SGSH: variants seen among roughly 807,000 people sequenced by gnomAD.
SGSH encodes N-sulfoglucosamine sulfohydrolase.
SGSH carries 48 observed loss-of-function variants against 51.0 expected under a neutral mutation model. The ratio of observed to expected loss-of-function variants is 0.94; its 90% CI spans 0.75 to 1.20. SGSH has a LOEUF of 1.20. Among genes scored for constraint, SGSH ranks in the 50% most tolerant of loss-of-function variants. The pLI, the probability that SGSH is intolerant of heterozygous loss-of-function variation, is 0.00. For missense variants in SGSH, 662 were observed against 717.8 expected (o/e 0.92, Z 0.89); for synonymous variants, 321 against 313.4 (o/e 1.02, Z -0.26).
chr17:80,204,102 T>C, downstream of SGSH: 1 of 971,958 alleles, frequency 1.0e-6, no homozygotes, highest in South Asian at 1.7e-5. Context: ...CTCAGGCTGT[T>C]CTCAGAGCAT....
Position 80,209,423 on chromosome 17 carries a change from C to A in SGSH, c.*1029G>T. On this transcript the variant is annotated 3_prime_UTR_variant, in exon 8 of 8. Coordinates refer to ENST00000326317, the MANE Select transcript of SGSH (RefSeq NM_000199.5). ...CCACCTACTCAAGGAAGCGCCCTCT[C>A]CTTCGAGGGGTGTCCAGGCCGAGGG... 1 of 985,570 alleles carries A rather than the reference C, an allele frequency of 1.0e-6. No homozygotes were observed. Among genetic ancestry groups the A allele is most frequent in the Non-Finnish European group, 1.2e-6 (1 of 830,058 alleles). The allele number at this position is 985,570 out of a possible 1,614,324, so 61.1% of individuals were successfully genotyped here. A position where few individuals can be genotyped will look rare whatever the true frequency, so the allele number is the denominator to read the frequency against.
chr17:80,202,641 T>C (rs1010526427), downstream of SGSH: 60 of 1,390,112 alleles, frequency 4.3e-5, no homozygotes, highest in Non-Finnish European at 5.6e-5. Context: ...ACATTCTAGA[T>C]CTGGGTTTCT....
chr17:80,219,388 C>G (rs1405256294), intron 1 of SGSH, among the ~76,000 whole-genome samples: 1 of 152,164 alleles, frequency 6.6e-6, no homozygotes, highest in Non-Finnish European at 1.5e-5. Flanking sequence ...CATGGCAGTC[C>G]GTGCTAAGAA....
chr17:80,204,043 T>C, downstream of SGSH: 1 of 788,730 alleles, frequency 1.3e-6, no homozygotes, highest in Non-Finnish European at 2.0e-6. Flanking sequence ...CAGGGCAGGG[T>C]CTGCAGCCCC....
At chr17:80,215,211 G>T in intron 2 of SGSH, 73 bp from the exon 3 acceptor site, 1 of 1,060,694 alleles carries the variant, frequency 9.4e-7, no homozygotes, top group Non-Finnish European at 1.4e-6. Context: ...GTTCTCCCAC[G>T]GCCCTCCCAT....
At position 80,215,127 on chromosome 17, in the gene SGSH, C is replaced by T; in HGVS notation, c.261G>A (p.Gly87=). 1.2e-6 allele frequency: 2 copies of T among 1,611,200 alleles called. No individual in the cohort carries two copies. The highest frequency in any genetic ancestry group is 1.7e-6 in the Non-Finnish European group (2 of 1,179,752). ...GCACGTCCTGGTGCAGCCCGTACAT[C>T]CCATTCTGATGCTGCCAGCAAAGGC... ...LLTGLPQHQN[G]MYGLHQDVHH... is the part of the protein sequence containing the mutation. The change falls in exon 3 of 8, where the codon GGG becomes GGA. Residue 87 remains glycine (G), a synonymous_variant. Coordinates refer to ENST00000326317, the MANE Select transcript of SGSH (RefSeq NM_000199.5).
In SGSH at chr17:80,209,798, C is replaced by G; in HGVS notation, c.*654G>C. 1.0e-6 allele frequency: 1 copy of G among 987,182 alleles called. No homozygotes were observed. 61.2% of individuals were successfully genotyped at this position (987,182 alleles called of 1,614,324 possible). On this transcript the variant is annotated 3_prime_UTR_variant, in exon 8 of 8. Transcript: ENST00000326317. ...CTTCTGCCCAGAAACACCACAGGTTCAAGCTCATCACTCAGGGAGCCTGCT... is the reference window on the plus strand; with the variant it reads ...CTTCTGCCCAGAAACACCACAGGTTGAAGCTCATCACTCAGGGAGCCTGCT...
rs754489648 is a variant in SGSH, at chr17:80,210,818, G to T, written c.1143C>A (p.His381Gln). ...TMSYPMRSVQ[H>Q]RHFRLVHNLN... ...GGTTGTGCACGAGGCGGAAGTGCCG[G>T]TGCTGCACGGAGCGCATGGGGTAGG... The change falls in exon 8 of 8, where the codon CAC becomes CAA. Residue 381 changes from histidine to glutamine, a missense_variant. Coordinates refer to ENST00000326317, the MANE Select transcript of SGSH (RefSeq NM_000199.5). 6.2e-7 allele frequency: 1 copy of T among 1,614,058 alleles called. No individual in the cohort carries two copies. Among genetic ancestry groups the T allele is most frequent in the East Asian group, 2.2e-5 (1 of 44,884 alleles).
chr17:80,202,226 G>A (rs778055809), downstream of SGSH: 35 of 1,613,848 alleles, frequency 2.2e-5, 1 homozygote, highest in South Asian at 2.6e-4. Context: ...TGGCGACCTC[G>A]GGGGACTCAT....
downstream of SGSH, chr17:80,208,690 T>C (rs1002598284): frequency 8.4e-6 from 2 of 238,168 alleles, no homozygotes; most frequent in Non-Finnish European, 1.6e-5. Context: ...AAACCGCCTG[T>C]CTGCAGGCCC....
rs770029279 is a variant in SGSH at position 80,212,326 on chromosome 17, A to G, written c.746-52T>C. On this transcript the variant is annotated intron_variant, in intron 6 of 7. Transcript: ENST00000326317. The surrounding 1 kb of genome is among the most constrained non-coding windows in gnomAD (Gnocchi z 5.9). ...CTCAGCCGCAGACACGGAGGGAGGC[A>G]GCGGGTGGTGTGTGTAGACCCACCT... is the stretch of plus-strand genomic sequence containing the variant. 2 of 1,508,482 alleles carry G rather than the reference A, an allele frequency of 1.3e-6. No individual in the cohort carries two copies. The highest frequency in any genetic ancestry group is 2.4e-5 in the East Asian group (1 of 41,224). 93.4% of individuals were successfully genotyped at this position (1,508,482 alleles called of 1,614,324 possible).
chr17:80,215,052 G>A lies in SGSH; in HGVS notation c.336C>T (p.Ser112=), dbSNP rs1001481135. 2 of 1,611,348 alleles carry A rather than the reference G, an allele frequency of 1.2e-6. No homozygotes were observed. The highest frequency in any genetic ancestry group is 1.3e-5 in the African/African-American group (1 of 74,938). Reference sequence around the variant, plus strand: ...CCTCACCTGTGCGCACACCAGCTTGGCTGAGCAGCAGCGGCAGGCTCCGCA... The same window carrying A: ...CCTCACCTGTGCGCACACCAGCTTGACTGAGCAGCAGCGGCAGGCTCCGCA... ...DKVRSLPLLL[S]QAGVRTGIIG... is the part of the protein sequence containing the mutation. Residue 112 remains serine (S), a synonymous_variant, in exon 3 of 8, where the codon AGC becomes AGT. Coordinates refer to ENST00000326317, the MANE Select transcript of SGSH (RefSeq NM_000199.5).
Position 80,214,237 on chromosome 17 carries a change from C to T in SGSH, c.598G>A (p.Gly200Arg), listed in dbSNP as rs767834681. Reference protein sequence around the residue: ...YGTFCEKFGNGESGMGRIPDW... With the variant: ...YGTFCEKFGNRESGMGRIPDW... ...GGGATACGACCCATGCCGCTCTCTC[C>T]GTTGCCAAACTTCTCACAGAAGGTT... The change falls in exon 5 of 8, where the codon GGA (glycine) becomes AGA (arginine). Residue 200 changes from glycine to arginine, a missense_variant. Gly to Arg is a moderately radical substitution (Grantham distance 125, BLOSUM62 -2). Transcript: ENST00000326317. The T allele has an allele frequency of 1.1e-5, 18 of 1,613,014 alleles. No homozygotes were observed. Among genetic ancestry groups the T allele is most frequent in the Admixed American group, 1.7e-5 (1 of 59,998 alleles).
At chr17:80,219,290 C>G (rs993058065) in intron 1 of SGSH, among the ~76,000 whole-genome samples, 2 of 152,160 alleles carry the variant, frequency 1.3e-5, no homozygotes, top group Admixed American at 6.5e-5. Context: ...GAAAGTGGAC[C>G]CTCACTGGAA....
Position 80,213,823 on chromosome 17 carries a change from G to A in SGSH, c.726C>T (p.Thr242=), listed in dbSNP as rs1347877363. Residue 242 remains threonine (T), a synonymous_variant, in exon 6 of 8, where the codon ACC becomes ACT. Coordinates refer to ENST00000326317, the MANE Select transcript of SGSH (RefSeq NM_000199.5). The surrounding 1 kb of genome is among the most constrained non-coding windows in gnomAD (Gnocchi z 4.6). ...GCCCACCTTGGTCCATGCGGCCGAC[G>A]GTGGTGTACTGAGCGGCCAGGTCGG... is the stretch of plus-strand genomic sequence containing the variant. ...ARADLAAQYT[T]VGRMDQGVGL... is the part of the protein sequence containing the mutation. 10 of 1,606,796 alleles carry A rather than the reference G, an allele frequency of 6.2e-6. No individual in the cohort carries two copies. In the East Asian group the frequency reaches 9.0e-5, roughly 14 times the overall value.
In SGSH at chr17:80,215,045, C is replaced by T; in HGVS notation, c.343G>A (p.Gly115Ser). The T allele has an allele frequency of 6.2e-7, 1 of 1,611,008 alleles. No homozygotes were observed. The highest frequency in any genetic ancestry group is 8.5e-7 in the Non-Finnish European group (1 of 1,179,766). The part of the protein sequence containing the change: ...RSLPLLLSQA[G>S]VRTGIIGKKH... ...ACGGGGTCCTCACCTGTGCGCACAC[C>T]AGCTTGGCTGAGCAGCAGCGGCAGG... Residue 115 changes from glycine (G) to serine (S), a missense_variant, in exon 3 of 8, where the codon GGT becomes AGT. Coordinates refer to ENST00000326317, the MANE Select transcript of SGSH (RefSeq NM_000199.5).
chr17:80,213,512 C>G lies in SGSH; in HGVS notation c.745+292G>C, dbSNP rs2041755852. ...TCTGCATATGCTAAGGAACTCCAAA[C>G]CCCCAAATCTGACCCAGGTCCTGTG... On this transcript the variant is annotated intron_variant, in intron 6 of 7. Coordinates refer to ENST00000326317, the MANE Select transcript of SGSH (RefSeq NM_000199.5). The surrounding 1 kb of genome is among the most constrained non-coding windows in gnomAD (Gnocchi z 4.6). The G allele has an allele frequency of 1.9e-6, 1 of 527,424 alleles. No homozygotes were observed. 32.7% of individuals were successfully genotyped at this position (527,424 alleles called of 1,614,324 possible).
In SGSH at chr17:80,214,755, C is replaced by T. The variant is rs776410862; in HGVS notation, c.366G>A (p.Gly122=). 1 of 1,612,016 alleles carries T rather than the reference C, an allele frequency of 6.2e-7. No individual in the cohort carries two copies. ...CGGTCTCCGGCCCCACGTGCTTCTT[C>T]CCGATGATGCCTGGGCGGGAAGAGA... ...SQAGVRTGII[G]KKHVGPETVY... Residue 122 remains glycine, a synonymous_variant, in exon 4 of 8, where the codon GGG becomes GGA. Transcript: ENST00000326317.
At chr17:80,203,742 ACTCTCCCCTGCTCGG>A (rs1412360131), downstream of SGSH, 3 of 1,099,092 alleles carry the variant, frequency 2.7e-6, no homozygotes, top group Non-Finnish European at 4.0e-6. The surrounding 1 kb of genome is among the most constrained non-coding windows in gnomAD (Gnocchi z 4.6). Flanking sequence ...CATCTCCCCC[ACTCTCCCCTGCTCGG>A]CTCTCCCCTG....
Sources: allele counts gnomAD v4.1 joint callset (sites outside exome capture counted in the v4.1 genomes callset), GRCh38; gene constraint gnomAD v4.1.1; non-coding constraint Gnocchi (gnomAD v3.1); transcripts MANE v1.5; gene names NCBI Gene and HGNC (gene_info 2026-07-23, HGNC 2026-07-21).